TTC29: variants seen among roughly 807,000 people sequenced by gnomAD.
TTC29 encodes tetratricopeptide repeat protein 29.
In TTC29, 49 loss-of-function variants were observed where a neutral mutation model predicts 58.1. The ratio of observed to expected loss-of-function variants is 0.84; its 90% CI spans 0.67 to 1.07. The LOEUF (loss-of-function observed/expected upper bound fraction) is 1.07. Ranked by LOEUF, TTC29 falls within the 50% of genes least tolerant of loss-of-function variation. The pLI is 0.00. For missense variants in TTC29, 582 were observed against 555.6 expected, an observed-to-expected ratio of 1.05 and a Z score of -0.48; for synonymous variants, 209 against 196.8, an observed-to-expected ratio of 1.06 and a Z score of -0.52.
At chr4:146,745,068 G>A (rs1050676534) in intron 11 of TTC29, among the ~76,000 whole-genome samples, 1 of 152,154 alleles carries the variant, frequency 6.6e-6, no homozygotes. Context: ...GCCTGGTATG[G>A]GCATTAGACT....
At chr4:146,886,796 GA>G (rs1005332088) in intron 6 of TTC29, among the ~76,000 whole-genome samples, 2 of 151,994 alleles carry the variant, frequency 1.3e-5, no homozygotes, top group African/African-American at 4.8e-5. Context: ...TTGGGTAGTG[GA>G]AAAAAACAGT....
intron 4 of TTC29, among the ~76,000 whole-genome samples, chr4:146,916,935 T>G (rs1734260881): frequency 1.3e-5 from 2 of 151,404 alleles, no homozygotes; most frequent in Non-Finnish European, 3.0e-5. Flanking sequence ...AAGCATCCAA[T>G]TCTTATTTTT....
intron 11 of TTC29, among the ~76,000 whole-genome samples, chr4:146,746,921 G>A (rs988575506): frequency 1.3e-5 from 2 of 152,088 alleles, no homozygotes; most frequent in African/African-American, 2.4e-5. Context: ...AGAGAGTGCT[G>A]GAGTACAGCA....
In TTC29 at chr4:146,849,220, C is replaced by T. The variant is rs752900048; in HGVS notation, c.886-15323G>A. On this transcript the variant is annotated intron_variant, in intron 8 of 12. Transcript: ENST00000325106. ...AGTGCATTCAATCTTCACAGAACCT[C>T]GAAATATATATTAATATTCCCATTG... Among the ~76,000 whole-genome samples, 161 of 152,074 alleles carry T rather than the reference C, an allele frequency of 1.1e-3. 1 individual carries two copies. Among genetic ancestry groups the T allele is most frequent in the Non-Finnish European group, 2.9e-4 (20 of 68,020 alleles).
chr4:146,744,075 A>C (rs549867411), intron 11 of TTC29, among the ~76,000 whole-genome samples: 1 of 152,250 alleles, frequency 6.6e-6, no homozygotes, highest in Non-Finnish European at 1.5e-5. Flanking sequence ...AAGGAGGGAA[A>C]GGAAAGAGTA....
chr4:146,830,176 G>A (rs1390912858), intron 9 of TTC29, among the ~76,000 whole-genome samples: 2 of 152,128 alleles, frequency 1.3e-5, no homozygotes, highest in African/African-American at 4.8e-5. Flanking sequence ...GGGGAAGAAT[G>A]ATATTATAAA....
At chr4:146,741,215 T>C (rs17021888) in intron 11 of TTC29, among the ~76,000 whole-genome samples, 7,376 of 152,264 alleles carry the variant, frequency 0.048, 614 homozygotes, top group African/African-American at 0.17. Context: ...GGGTGTGAAA[T>C]TTTTAGATGA....
chr4:146,925,373 T>C (rs1734861523), intron 4 of TTC29, among the ~76,000 whole-genome samples: 3 of 152,118 alleles, frequency 2.0e-5, no homozygotes, highest in African/African-American at 7.2e-5. Context: ...TTTTTGAAGT[T>C]CTACTATCAG....
At chr4:146,753,390 C>A (rs1399225708) in intron 11 of TTC29, among the ~76,000 whole-genome samples, 3 of 152,038 alleles carry the variant, frequency 2.0e-5, no homozygotes, top group Non-Finnish European at 4.4e-5. Flanking sequence ...ATCATTAAAA[C>A]GTCAGGAAAC....
chr4:146,778,599 A>C lies in TTC29; in HGVS notation c.1330+24858T>G, dbSNP rs547492720. ...TAGTTTCAGCTGTATTAAGTACATC[A>C]TATTTTCAAATTTGATTGTTCAAAT... is the stretch of plus-strand genomic sequence containing the variant. On this transcript the variant is annotated intron_variant, in intron 11 of 12. Coordinates refer to ENST00000325106, the MANE Select transcript of TTC29 (RefSeq NM_031956.4). Among the ~76,000 whole-genome samples the C allele has an allele frequency of 1.7e-3, 265 of 152,308 alleles. 2 individuals are homozygous for C. The Middle Eastern group carries it at 0.021, about 12-fold the overall frequency.
At chr4:146,735,926 A>G (rs1455888166) in intron 11 of TTC29, among the ~76,000 whole-genome samples, 1 of 152,176 alleles carries the variant, frequency 6.6e-6, no homozygotes, top group African/African-American at 2.4e-5. Flanking sequence ...CCAGCAAGGT[A>G]GAAATATTTA....
At chr4:146,707,590 A>G (rs369180800) in intron 11 of TTC29, 39 bp from the exon 12 acceptor site, 66 of 1,416,702 alleles carry the variant, frequency 4.7e-5, no homozygotes, top group Non-Finnish European at 6.4e-5. Flanking sequence ...ATTATCATGA[A>G]CACAGTTTAT....
intron 8 of TTC29, among the ~76,000 whole-genome samples, chr4:146,840,337 CTTG>C (rs1222953691): frequency 6.6e-5 from 10 of 152,012 alleles, no homozygotes; most frequent in Non-Finnish European, 1.2e-4. Flanking sequence ...TCCATTCCAC[CTTG>C]TTATCACTTT....
At chr4:146,747,211 G>C (rs542431046) in intron 11 of TTC29, among the ~76,000 whole-genome samples, 1 of 152,284 alleles carries the variant, frequency 6.6e-6, no homozygotes, top group South Asian at 2.1e-4. Flanking sequence ...GCTACCCCTA[G>C]AGAAGGAGCT....
At chr4:146,786,518 G>A (rs982486896) in intron 11 of TTC29, among the ~76,000 whole-genome samples, 1 of 152,106 alleles carries the variant, frequency 6.6e-6, no homozygotes, top group Non-Finnish European at 1.5e-5. Flanking sequence ...CCCTGCTGCA[G>A]GTTCTACTCT....
Position 146,874,810 on chromosome 4 carries a change from C to T in TTC29, c.705G>A (p.Arg235=). Residue 235 remains arginine, a synonymous_variant, in exon 7 of 13, where the codon AGG becomes AGA. Coordinates refer to ENST00000325106, the MANE Select transcript of TTC29 (RefSeq NM_031956.4). ...TTTTGTCTGAGAGTAATCTGTAAGTCCTCAGGAGACTCTCACAGGCCAACA... is the reference window on the plus strand; with the variant it reads ...TTTTGTCTGAGAGTAATCTGTAAGTTCTCAGGAGACTCTCACAGGCCAACA... ...LNLLACESLL[R]TYRLLSDKML... 2 of 1,612,776 alleles carry T rather than the reference C, an allele frequency of 1.2e-6. No individual in the cohort carries two copies. The highest frequency in any genetic ancestry group is 2.2e-5 in the South Asian group (2 of 90,922).
At chr4:146,833,008 C>T (rs748748722) in intron 9 of TTC29, among the ~76,000 whole-genome samples, 1 of 152,110 alleles carries the variant, frequency 6.6e-6, no homozygotes, top group Non-Finnish European at 1.5e-5. Flanking sequence ...TTTTAAAACA[C>T]CTCCTTGTAT....
intron 11 of TTC29, among the ~76,000 whole-genome samples, chr4:146,787,238 A>T (rs1749091273): frequency 6.6e-6 from 1 of 152,206 alleles, no homozygotes; most frequent in Admixed American, 6.5e-5. Context: ...ATGAGGATAC[A>T]TTTCCAGTAG....
intron 11 of TTC29, among the ~76,000 whole-genome samples, chr4:146,753,173 A>G (rs1196794004): frequency 6.6e-6 from 1 of 152,246 alleles, no homozygotes; most frequent in Non-Finnish European, 1.5e-5. Flanking sequence ...GCTAATATCC[A>G]GAATCTACAA....
Sources: gnomAD v4.1 joint callset for allele counts (sites outside exome capture counted in the v4.1 genomes callset) on GRCh38, gnomAD v4.1.1 for gene constraint, MANE v1.5 for transcripts, NCBI Gene and HGNC (gene_info 2026-07-23, HGNC 2026-07-21) for gene names.